Variants in VPS37C observed in about 807,000 individuals in gnomAD.
The protein encoded by VPS37C is VPS37C subunit of ESCRT-I.
VPS37C carries 9 observed loss-of-function variants against 16.1 expected under a neutral mutation model. The ratio of observed to expected loss-of-function variants is 0.56; its 90% CI spans 0.34 to 0.97. VPS37C has a LOEUF of 0.97. Among genes scored for constraint, VPS37C ranks in the 50% least tolerant of loss-of-function variants. VPS37C has a pLI of 0.02. For synonymous variants in VPS37C, 207 were observed against 206.4 expected (o/e 1.00, Z -0.02); for missense variants, 479 against 472.7 (o/e 1.01, Z -0.12).
chr11:61,139,042 C>G (rs750428318), intron 1 of VPS37C, among the ~76,000 whole-genome samples: 1 of 152,172 alleles, frequency 6.6e-6, no homozygotes, highest in Non-Finnish European at 1.5e-5. Context: ...AGGAGCTGCT[C>G]CCTCCACCCT....
chr11:61,143,132 T>A lies in VPS37C; in HGVS notation c.-6-4297A>T, dbSNP rs1213780935. Among the ~76,000 whole-genome samples, 5 of 151,978 alleles carry A rather than the reference T, an allele frequency of 3.3e-5. No homozygotes were observed. The East Asian group carries it at 9.7e-4, about 29-fold the overall frequency. Reference sequence around the variant, plus strand: ...GCGTGCGGAACACAGTAAGTACCACTAAGCATTTGCTGCTATGAGGACCCT... The same window carrying A: ...GCGTGCGGAACACAGTAAGTACCACAAAGCATTTGCTGCTATGAGGACCCT... On this transcript the variant is annotated intron_variant, in intron 1 of 4. Transcript: ENST00000301765.
chr11:61,139,742 T>TG, intron 1 of VPS37C, among the ~76,000 whole-genome samples: 1 of 58,896 alleles, frequency 1.7e-5, no homozygotes. Flanking sequence ...ATTCCATAGC[T>TG]TTTTTTTTTT....
In VPS37C at chr11:61,132,777, G is replaced by A. The variant is rs549946635; in HGVS notation, c.349-238C>T. 6.0e-5 allele frequency: 37 copies of A among 618,166 alleles called. No homozygotes were observed. In the African/African-American group the frequency reaches 6.4e-4, roughly 11 times the overall value. The allele number at this position is 618,166 out of a possible 1,614,324, so 38.3% of individuals were successfully genotyped here. A position where few individuals can be genotyped will look rare whatever the true frequency, so the allele number is the denominator to read the frequency against. On this transcript the variant is annotated intron_variant, in intron 4 of 4. Transcript: ENST00000301765. Reference sequence around the variant, plus strand: ...TCTCTGTCGTGGTCACCTCTGTCCTGGCACCTTGGCATCATGCCAGGCCCA... The same window carrying A: ...TCTCTGTCGTGGTCACCTCTGTCCTAGCACCTTGGCATCATGCCAGGCCCA...
At chr11:61,141,410 G>C (rs1404175670) in intron 1 of VPS37C, among the ~76,000 whole-genome samples, 1 of 151,928 alleles carries the variant, frequency 6.6e-6, no homozygotes, top group Non-Finnish European at 1.5e-5. Context: ...GCTAGAGCTA[G>C]AGCAGGGAAA....
At chr11:61,136,161 A>ATTT (rs34085615) in intron 2 of VPS37C, among the ~76,000 whole-genome samples, 23 of 109,356 alleles carry the variant, frequency 2.1e-4, no homozygotes, top group African/African-American at 7.6e-4. Flanking sequence ...TTAATTACAC[A>ATTT]TTTTTTTTTT....
chr11:61,139,254 C>A (rs952908206), intron 1 of VPS37C, among the ~76,000 whole-genome samples: 1 of 151,850 alleles, frequency 6.6e-6, no homozygotes, highest in Admixed American at 6.6e-5. Context: ...CTATTTCTGT[C>A]TGAACCAGAA....
Position 61,131,892 on chromosome 11 carries a change from G to A in VPS37C, c.996C>T (p.Pro332=). The change falls in exon 5 of 5, where the codon CCC becomes CCT. Residue 332 remains proline (P), a synonymous_variant. Transcript: ENST00000301765. ...GAGGGGCGGGCCCGGGGGGATAAGG[G>A]GGCTGCAGGGGCACTGAGGGCTGGG... The part of the protein sequence containing the change: ...GQPQPSVPLQ[P]PYPPGPAPPY... The A allele has an allele frequency of 1.6e-6, 2 of 1,281,330 alleles. No individual in the cohort carries two copies. Among genetic ancestry groups the A allele is most frequent in the Non-Finnish European group, 2.0e-6 (2 of 1,007,940 alleles). The allele number at this position is 1,281,330 out of a possible 1,614,324, so 79.4% of individuals were successfully genotyped here.
chr11:61,143,945 C>G (rs1483541897), intron 1 of VPS37C: 1 of 151,034 alleles, frequency 6.6e-6, no homozygotes, highest in African/African-American at 2.4e-5. Context: ...CAGGCGTGAG[C>G]GACCACGCCC....
intron 3 of VPS37C, 104 bp from the exon 4 acceptor site, chr11:61,133,441 G>A: frequency 8.4e-7 from 1 of 1,184,676 alleles, no homozygotes; most frequent in Non-Finnish European, 1.2e-6. Context: ...AGCCACCACA[G>A]CAGGGTCCAC....
At position 61,133,020 on chromosome 11, in the gene VPS37C, G is replaced by C. The variant is rs1304901657; in HGVS notation, c.348+235C>G. 3 of 640,264 alleles carry C rather than the reference G, an allele frequency of 4.7e-6. No homozygotes were observed. In the African/African-American group the frequency reaches 5.4e-5, roughly 11 times the overall value. The allele number at this position is 640,264 out of a possible 1,614,324, so 39.7% of individuals were successfully genotyped here. On this transcript the variant is annotated intron_variant, in intron 4 of 4. Coordinates refer to ENST00000301765, the MANE Select transcript of VPS37C (RefSeq NM_017966.5). ...TCCTGCTGTGCTGCCCTACCATCCA[G>C]GGCTGCGAGCTGCCCTTGTCCACTG...
In VPS37C at chr11:61,131,561, TGGACTCCAGCCTGGCTAGCA is replaced by T. The variant is rs1305703859; in HGVS notation, c.*239_*258del. The T allele has an allele frequency of 6.3e-5, 26 of 412,580 alleles. No homozygotes were observed. Among genetic ancestry groups the T allele is most frequent in the Non-Finnish European group, 8.6e-5 (21 of 242,798 alleles). 25.6% of individuals were successfully genotyped at this position (412,580 alleles called of 1,614,324 possible). A position where few individuals can be genotyped will look rare whatever the true frequency, so the allele number is the denominator to read the frequency against. ...TCACACAGACACCGGCGAGAGGTGC[TGGACTCCAGCCTGGCTAGCA>T]CCGCTGCAGCCAGGCACTGAAAGGA... On this transcript the variant is annotated 3_prime_UTR_variant, in exon 5 of 5. Coordinates refer to ENST00000301765, the MANE Select transcript of VPS37C (RefSeq NM_017966.5).
At chr11:61,138,536 T>A (rs906887087) in intron 2 of VPS37C, 4 of 564,770 alleles carry the variant, frequency 7.1e-6, no homozygotes, top group Non-Finnish European at 1.3e-5. Context: ...CAGGAGGCAG[T>A]GGACTCCCCA....
At chr11:61,142,975 T>TAAAAAAAAAAAAAAAA in intron 1 of VPS37C, among the ~76,000 whole-genome samples, 1 of 47,590 alleles carries the variant, frequency 2.1e-5, no homozygotes, top group Non-Finnish European at 4.2e-5. Flanking sequence ...AAAGAATAGC[T>TAAAAAAAAAAAAAAAA]AAAAAAAAAA....
chr11:61,157,009 C>G (rs74613517), intron 1 of VPS37C, among the ~76,000 whole-genome samples: 4 of 152,226 alleles, frequency 2.6e-5, no homozygotes, highest in Admixed American at 6.5e-5. Context: ...TTGTGACTGG[C>G]AGGTTTCACT....
At chr11:61,149,235 G>A (rs376481712) in intron 1 of VPS37C, among the ~76,000 whole-genome samples, 3 of 152,150 alleles carry the variant, frequency 2.0e-5, no homozygotes, top group Admixed American at 6.5e-5. Context: ...GCAGTGAGCC[G>A]AGATCGCGCC....
intron 1 of VPS37C, among the ~76,000 whole-genome samples, chr11:61,157,591 T>C (rs1853398253): frequency 6.6e-6 from 1 of 152,246 alleles, no homozygotes; most frequent in South Asian, 2.1e-4. Context: ...CGGGTTGTTT[T>C]TTGTTGTTGG....
chr11:61,160,793 G>A (rs957422302), intron 1 of VPS37C, among the ~76,000 whole-genome samples: 1 of 152,220 alleles, frequency 6.6e-6, no homozygotes, highest in Non-Finnish European at 1.5e-5. Context: ...ATACATCAGT[G>A]CCCTTTGCGC....
At chr11:61,141,319 G>C (rs966415228) in intron 1 of VPS37C, among the ~76,000 whole-genome samples, 1 of 151,276 alleles carries the variant, frequency 6.6e-6, no homozygotes, top group Non-Finnish European at 1.5e-5. Flanking sequence ...AGTGAGCAGA[G>C]ATCATGCCAC....
At chr11:61,133,936 G>GAAAA in intron 3 of VPS37C, 100 bp downstream of exon 3, 1 of 1,415,798 alleles carries the variant, frequency 7.1e-7, no homozygotes, top group Non-Finnish European at 9.4e-7. Context: ...TGGCTGTTGT[G>GAAAA]AAAAAATATA....
Sources: gnomAD v4.1 joint callset for allele counts (sites outside exome capture counted in the v4.1 genomes callset) on GRCh38, gnomAD v4.1.1 for gene constraint, MANE v1.5 for transcripts, NCBI Gene and HGNC (gene_info 2026-07-23, HGNC 2026-07-21) for gene names.